Variants in NCAPD3 observed in about 807,000 individuals in gnomAD.
The protein encoded by NCAPD3 is condensin-2 complex subunit D3.
Under a neutral mutation model 182.9 loss-of-function variants are expected in NCAPD3, and 105 were observed. The observed-to-expected ratio is 0.57, with a 90% CI of 0.49 to 0.68. The LOEUF is 0.68. Among genes scored for constraint, NCAPD3 ranks in the 30% least tolerant of loss-of-function variants. The pLI, the probability that NCAPD3 is intolerant of heterozygous loss-of-function variation, is 0.00. For synonymous variants in NCAPD3, 815 were observed against 679.9 expected, an observed-to-expected ratio of 1.20 and a Z score of -3.09; for missense variants, 1,944 against 1,837.0, an observed-to-expected ratio of 1.06 and a Z score of -1.07.
chr11:134,224,070 C>A, upstream of NCAPD3: 1 of 995,006 alleles, frequency 1.0e-6, no homozygotes, highest in South Asian at 1.5e-5. Flanking sequence ...TCCATTCGCT[C>A]AACCAATCAC....
At chr11:134,185,551 C>G in intron 16 of NCAPD3, 25 bp from the exon 17 acceptor site, 1 of 1,546,336 alleles carries the variant, frequency 6.5e-7, no homozygotes, top group Non-Finnish European at 8.8e-7. Flanking sequence ...GATAGAAAAG[C>G]AGAATTGCAA....
rs755283628 is a variant in NCAPD3 at position 134,209,108 on chromosome 11, T to C, written c.794+37A>G. 35 of 1,596,160 alleles carry C rather than the reference T, an allele frequency of 2.2e-5. No homozygotes were observed. In the South Asian group the frequency reaches 3.6e-4, roughly 16 times the overall value. On this transcript the variant is annotated intron_variant, in intron 6 of 34. Transcript: ENST00000534548. ...TGCTGGAGCAAAAATTGGTACACTA[T>C]ACTTAAATTGTAGCACTGGAAGATT...
At chr11:134,209,657 T>C (rs1030116698) in intron 4 of NCAPD3, 180 bp from the exon 5 acceptor site, 3 of 578,596 alleles carry the variant, frequency 5.2e-6, no homozygotes, top group South Asian at 2.3e-5. Context: ...AGTAAATCAC[T>C]GGACTAGATG....
chr11:134,186,851 T>A (rs1944417003), intron 16 of NCAPD3, among the ~76,000 whole-genome samples: 1 of 152,214 alleles, frequency 6.6e-6, no homozygotes, highest in African/African-American at 2.4e-5. Context: ...TAAAAATCCA[T>A]CCACAGATGT....
chr11:134,186,232 T>C (rs1944403090), intron 16 of NCAPD3: 1 of 152,306 alleles, frequency 6.6e-6, no homozygotes, highest in South Asian at 2.1e-4. Flanking sequence ...GGTCTCACTC[T>C]GTCACCCAGG....
chr11:134,198,252 A>C (rs1233989007), intron 13 of NCAPD3, among the ~76,000 whole-genome samples: 1 of 152,220 alleles, frequency 6.6e-6, no homozygotes, highest in Non-Finnish European at 1.5e-5. Flanking sequence ...CTTCCTCTGC[A>C]GTAATGAACT....
chr11:134,155,477 G>A (rs1466249819), intron 32 of NCAPD3, among the ~76,000 whole-genome samples: 2 of 152,202 alleles, frequency 1.3e-5, no homozygotes, highest in South Asian at 2.1e-4. Context: ...CCAAGAGCCT[G>A]GAGCAAGAAC....
chr11:134,163,891 AAG>A (rs1555126903), intron 27 of NCAPD3, among the ~76,000 whole-genome samples: 11 of 149,464 alleles, frequency 7.4e-5, no homozygotes, highest in African/African-American at 2.0e-4. Context: ...AAAAAAAAAA[AAG>A]AAAAAGAAAG....
At chr11:134,165,901 ACACT>A (rs750068970) in intron 27 of NCAPD3, among the ~76,000 whole-genome samples, 25 of 114,484 alleles carry the variant, frequency 2.2e-4, no homozygotes, top group African/African-American at 4.2e-4. Context: ...GGGGAGGGGC[ACACT>A]CACTAGTGAG....
Position 134,203,776 on chromosome 11 carries a change from A to G in NCAPD3, c.1346T>C (p.Met449Thr). 2 of 1,614,218 alleles carry G rather than the reference A, an allele frequency of 1.2e-6. No homozygotes were observed. The highest frequency in any genetic ancestry group is 1.7e-6 in the Non-Finnish European group (2 of 1,180,044). The part of the protein sequence containing the change: ...LKHKFLVQEI[M>T]FDRCLDKAPT... ...CGCCTTGTCTAAGCAACGATCAAAC[A>G]TAATTTCCTGCACCAGGAACTTATG... is the stretch of plus-strand genomic sequence containing the variant. Residue 449 changes from methionine (M) to threonine (T), a missense_variant, in exon 11 of 35, where the codon ATG (methionine) becomes ACG (threonine). By Grantham distance (81) the Met-to-Thr change is moderately conservative (BLOSUM62 -1). Transcript: ENST00000534548.
chr11:134,168,288 G>A (rs755841313), intron 26 of NCAPD3, 93 bp from the exon 27 acceptor site: 1 of 1,435,694 alleles, frequency 7.0e-7, no homozygotes, highest in Middle Eastern at 1.8e-4. Context: ...GGCCATCTGA[G>A]GCTGTCAGGG....
intron 16 of NCAPD3, among the ~76,000 whole-genome samples, chr11:134,186,476 G>A (rs1043897346): frequency 2.0e-5 from 3 of 152,212 alleles, no homozygotes; most frequent in African/African-American, 7.2e-5. Context: ...GCCTTCCAAA[G>A]TACTGAGATT....
At chr11:134,181,550 C>G (rs145038533) in intron 19 of NCAPD3, among the ~76,000 whole-genome samples, 201 of 152,312 alleles carry the variant, frequency 1.3e-3, no homozygotes, top group African/African-American at 4.7e-3. Context: ...CTGCCATATA[C>G]AGATGATGAA....
At chr11:134,163,388 G>C (rs898786758) in intron 27 of NCAPD3, among the ~76,000 whole-genome samples, 1 of 151,974 alleles carries the variant, frequency 6.6e-6, no homozygotes, top group Non-Finnish European at 1.5e-5. Context: ...ATAATAAAAT[G>C]ATCAAATTTG....
intron 27 of NCAPD3, among the ~76,000 whole-genome samples, chr11:134,162,343 G>A (rs938675521): frequency 6.6e-6 from 1 of 152,170 alleles, no homozygotes; most frequent in African/African-American, 2.4e-5. Context: ...AAATGGCTAA[G>A]CATGAAGACA....
chr11:134,223,153 G>A (rs1276156811), intron 1 of NCAPD3: 1 of 471,574 alleles, frequency 2.1e-6, no homozygotes, highest in African/African-American at 1.9e-5. Context: ...AAACATTAAA[G>A]GTGTACAGGC....
At position 134,178,739 on chromosome 11, in the gene NCAPD3, G is replaced by A. The variant is rs1944227104; in HGVS notation, c.2677C>T (p.Pro893Ser). Residue 893 changes from proline (P) to serine (S), a missense_variant and splice_region_variant, in exon 22 of 35, where the codon CCA (proline) becomes TCA (serine). Physicochemically the swap from Pro to Ser is moderately conservative, Grantham distance 74 (BLOSUM62 -1). Transcript: ENST00000534548. ...GCCTCACTGCTGCCTTGAGATGATG[G>A]TGCTGCAAAGAAGGGAGAGAAAGTT... is the stretch of plus-strand genomic sequence containing the variant. ...LASSADADHS[P>S]SSQGSSEAPA... 3.1e-6 allele frequency: 5 copies of A among 1,608,616 alleles called. No individual in the cohort carries two copies. Among genetic ancestry groups the A allele is most frequent in the Non-Finnish European group, 4.3e-6 (5 of 1,176,164 alleles).
Position 134,161,862 on chromosome 11 carries a change from A to T in NCAPD3, c.3603T>A (p.Ile1201=). ...TCTTCAGGGAGATGATAATTGGAAT[A>T]ATATTTTCTATGAAATTCCTCTTCT... The part of the protein sequence containing the change: ...QVQKRNFIEN[I]IPIIISLKTV... The change falls in exon 28 of 35, where the codon ATT becomes ATA. Residue 1201 remains isoleucine (I), a synonymous_variant. Transcript: ENST00000534548. The T allele has an allele frequency of 6.4e-7, 1 of 1,572,380 alleles. No homozygotes were observed. The highest frequency in any genetic ancestry group is 1.1e-5 in the South Asian group (1 of 87,608).
Position 134,152,930 on chromosome 11 carries a change from G to C in NCAPD3, c.*14C>G, listed in dbSNP as rs777634342. On this transcript the variant is annotated 3_prime_UTR_variant, in exon 35 of 35. Coordinates refer to ENST00000534548, the MANE Select transcript of NCAPD3 (RefSeq NM_015261.3). ...AGGGCTCCTGCCTGCCTGGACACTG[G>C]TGGGAGGCGCTGTTTAGTTGGCTGT... 6.6e-7 allele frequency: 1 copy of C among 1,525,358 alleles called. No homozygotes were observed. Among genetic ancestry groups the C allele is most frequent in the African/African-American group, 1.4e-5 (1 of 72,010 alleles). 94.5% of individuals were successfully genotyped at this position (1,525,358 alleles called of 1,614,324 possible).
Sources: allele counts gnomAD v4.1 joint callset (sites outside exome capture counted in the v4.1 genomes callset), GRCh38; gene constraint gnomAD v4.1.1; transcripts MANE v1.5; gene names NCBI Gene and HGNC (gene_info 2026-07-23, HGNC 2026-07-21).